DAB1: variants seen among roughly 807,000 people sequenced by gnomAD.
The protein encoded by DAB1 is DAB adaptor protein 1.
A neutral mutation model predicts 64.6 loss-of-function variants in DAB1; 15 were observed. The ratio of observed to expected loss-of-function variants is 0.23; its 90% CI spans 0.16 to 0.36. The LOEUF is 0.36. Among genes scored for constraint, DAB1 ranks in the 10% least tolerant of loss-of-function variants. The probability of loss-of-function intolerance (pLI) is 1.00; values close to 1 mark genes in which losing one functional copy is unlikely to be tolerated. For missense variants in DAB1, 596 were observed against 706.7 expected (o/e 0.84, Z 1.78); for synonymous variants, 235 against 251.9 (o/e 0.93, Z 0.64).
intron 4 of DAB1, among the ~76,000 whole-genome samples, chr1:58,274,927 C>G (rs1163452125): frequency 6.7e-6 from 1 of 149,736 alleles, no homozygotes; most frequent in Non-Finnish European, 1.5e-5. Context: ...GTGAGAGAAA[C>G]CCGGTACCTC....
At chr1:57,441,168 T>C (rs12072807) in intron 7 of DAB1, among the ~76,000 whole-genome samples, 42,964 of 152,114 alleles carry the variant, frequency 0.28, 6,286 homozygotes, top group East Asian at 0.44. Context: ...ATGCAGTCTC[T>C]TGATGCATCC....
At chr1:57,835,526 G>A (rs775426108) in intron 1 of DAB1, among the ~76,000 whole-genome samples, 11 of 152,152 alleles carry the variant, frequency 7.2e-5, no homozygotes, top group African/African-American at 1.7e-4. Flanking sequence ...CAGGGGACCA[G>A]AGAGTCCAGG....
chr1:57,195,424 G>A (rs1664545710), intron 2 of DAB1, among the ~76,000 whole-genome samples: 1 of 152,174 alleles, frequency 6.6e-6, no homozygotes, highest in African/African-American at 2.4e-5. Flanking sequence ...AGATATACAA[G>A]GCTGAGCATT....
chr1:57,483,758 G>A (rs908444370), intron 7 of DAB1, among the ~76,000 whole-genome samples: 2 of 152,120 alleles, frequency 1.3e-5, no homozygotes, highest in Admixed American at 1.3e-4. Flanking sequence ...CACTTCCAGG[G>A]AATGAAGTTC....
intron 7 of DAB1, among the ~76,000 whole-genome samples, chr1:57,571,881 C>A (rs935213370): frequency 2.6e-5 from 4 of 152,170 alleles, no homozygotes; most frequent in African/African-American, 9.7e-5. Context: ...CCCTCTTCAG[C>A]GGGAGAGAGC....
intron 4 of DAB1, among the ~76,000 whole-genome samples, chr1:58,163,696 G>A (rs1034135975): frequency 2.6e-5 from 4 of 152,116 alleles, no homozygotes; most frequent in African/African-American, 9.7e-5. Context: ...GGCTCAAAAA[G>A]GTGGGAGATG....
At chr1:57,740,977 T>C (rs1260542987) in intron 6 of DAB1, among the ~76,000 whole-genome samples, 1 of 151,994 alleles carries the variant, frequency 6.6e-6, no homozygotes, top group African/African-American at 2.4e-5. Context: ...AAGATTGAGG[T>C]GGGGTGTTGA....
At chr1:58,041,679 A>G (rs1188688451) in intron 5 of DAB1, among the ~76,000 whole-genome samples, 5 of 152,104 alleles carry the variant, frequency 3.3e-5, no homozygotes, top group African/African-American at 1.2e-4. Flanking sequence ...ACCACCCTCA[A>G]AGAAGGGCCT....
intron 6 of DAB1, among the ~76,000 whole-genome samples, chr1:57,740,046 C>CAGAAAAAAAAA (rs1647905862): frequency 9.7e-6 from 1 of 103,142 alleles, no homozygotes; most frequent in Non-Finnish European, 1.9e-5. Context: ...ACTACTACTA[C>CAGAAAAAAAAA]AAAAAAAAAA....
At chr1:58,296,526 C>T (rs1195923112) in intron 4 of DAB1, among the ~76,000 whole-genome samples, 3 of 152,188 alleles carry the variant, frequency 2.0e-5, no homozygotes, top group Admixed American at 2.0e-4. Flanking sequence ...TCCAGTGGCA[C>T]ATCCTGCTGG....
chr1:57,782,952 T>C (rs1650166872), intron 6 of DAB1, among the ~76,000 whole-genome samples: 1 of 151,754 alleles, frequency 6.6e-6, no homozygotes. Context: ...GCATGAATGG[T>C]TGAAAATAGT....
chr1:57,643,911 A>C (rs756703778), intron 7 of DAB1, among the ~76,000 whole-genome samples: 1 of 152,178 alleles, frequency 6.6e-6, no homozygotes, highest in Admixed American at 6.5e-5. Context: ...GTCAGCAATT[A>C]GTGTGTCCAT....
At chr1:57,538,068 C>T (rs978634412) in intron 7 of DAB1, among the ~76,000 whole-genome samples, 2 of 152,140 alleles carry the variant, frequency 1.3e-5, no homozygotes, top group Admixed American at 6.6e-5. Flanking sequence ...AAACACCTCC[C>T]GCTGGCCCCA....
At chr1:57,831,537 C>CTTTTTTTTT (rs5774372) in intron 1 of DAB1, among the ~76,000 whole-genome samples, 1 of 112,346 alleles carries the variant, frequency 8.9e-6, no homozygotes, top group Non-Finnish European at 1.8e-5. Flanking sequence ...ATTTTCTTCT[C>CTTTTTTTTT]TTTTTTTTTT....
At chr1:57,285,059 T>C (rs1672203211) in intron 2 of DAB1, among the ~76,000 whole-genome samples, 1 of 151,946 alleles carries the variant, frequency 6.6e-6, no homozygotes, top group African/African-American at 2.4e-5. Flanking sequence ...TTGTGGTTAA[T>C]TGATGATCCC....
chr1:58,533,330 G>C (rs1182184588), intron 1 of DAB1, among the ~76,000 whole-genome samples: 4 of 152,184 alleles, frequency 2.6e-5, no homozygotes, highest in Non-Finnish European at 5.9e-5. Context: ...CGGTTACTTT[G>C]TCAGGTTAGT....
At chr1:57,165,981 C>A (rs749658109) in intron 2 of DAB1, among the ~76,000 whole-genome samples, 1 of 152,146 alleles carries the variant, frequency 6.6e-6, no homozygotes, top group African/African-American at 2.4e-5. Flanking sequence ...ATGAATCAGG[C>A]AGCATTTCAG....
intron 7 of DAB1, among the ~76,000 whole-genome samples, chr1:57,595,892 C>T (rs1255634154): frequency 6.6e-6 from 1 of 152,156 alleles, no homozygotes; most frequent in Non-Finnish European, 1.5e-5. Flanking sequence ...TTTCCTGAGA[C>T]CTCCCCAGAA....
intron 4 of DAB1, among the ~76,000 whole-genome samples, chr1:58,275,124 C>G (rs1168005552): frequency 1.3e-5 from 2 of 152,046 alleles, no homozygotes; most frequent in African/African-American, 2.4e-5. Flanking sequence ...AATTGGATGT[C>G]CACATATAAA....
Sources: allele counts gnomAD v4.1 joint callset (sites outside exome capture counted in the v4.1 genomes callset), GRCh38; gene constraint gnomAD v4.1.1; transcripts MANE v1.5; gene names NCBI Gene and HGNC (gene_info 2026-07-23, HGNC 2026-07-21).